Variants in GLT1D1 observed in about 807,000 individuals in gnomAD.
The protein encoded by GLT1D1 is glycosyltransferase 1 domain containing 1.
Under a neutral mutation model 28.7 loss-of-function variants are expected in GLT1D1, and 21 were observed. The ratio of observed to expected loss-of-function variants is 0.73; its 90% CI spans 0.52 to 1.05. GLT1D1 has a LOEUF of 1.05. GLT1D1 is among the 50% of genes least tolerant of loss of function. The pLI is 0.00. For synonymous variants in GLT1D1, 147 were observed against 124.8 expected (o/e 1.18, Z -1.19); for missense variants, 343 against 330.6 (o/e 1.04, Z -0.29).
At chr12:128,864,239 C>T (rs1382536035) in intron 1 of GLT1D1, 3 of 561,884 alleles carry the variant, frequency 5.3e-6, no homozygotes, top group Non-Finnish European at 9.7e-6. Context: ...GGCTTCCGGG[C>T]TGAAGATGAG....
chr12:128,916,528 CT>C (rs1872130082), intron 4 of GLT1D1, among the ~76,000 whole-genome samples: 1 of 152,166 alleles, frequency 6.6e-6, no homozygotes, highest in East Asian at 1.9e-4. Context: ...AGTAGACAGT[CT>C]TTTCAATTTT....
intron 4 of GLT1D1, among the ~76,000 whole-genome samples, chr12:128,911,070 C>T (rs141758516): frequency 1.3e-4 from 20 of 152,318 alleles, no homozygotes; most frequent in African/African-American, 4.6e-4. Context: ...GCTGGGATTA[C>T]AGGCGCATGC....
chr12:128,945,282 C>G (rs758273445), intron 4 of GLT1D1, 44 bp from the exon 9 acceptor site: 2 of 1,606,766 alleles, frequency 1.2e-6, no homozygotes, highest in East Asian at 2.2e-5. Flanking sequence ...GGCAGCGCCA[C>G]TAGCAGGCGG....
At chr12:128,870,828 TAA>T (rs111674069) in intron 1 of GLT1D1, among the ~76,000 whole-genome samples, 4,268 of 151,844 alleles carry the variant, frequency 0.028, 199 homozygotes, top group African/African-American at 0.096. Flanking sequence ...CCATCTCTAC[TAA>T]AAATACAAAA....
intron 1 of GLT1D1, among the ~76,000 whole-genome samples, chr12:128,866,160 C>A (rs1011281122): frequency 3.3e-5 from 5 of 150,802 alleles, no homozygotes; most frequent in African/African-American, 4.9e-5. Context: ...GCTCTGCCTG[C>A]CGGGTTCATG....
At chr12:128,945,169 A>G in intron 4 of GLT1D1, 157 bp from the exon 9 acceptor site, 3 of 788,332 alleles carry the variant, frequency 3.8e-6, no homozygotes, top group South Asian at 1.4e-5. Flanking sequence ...GGGGGCCCCC[A>G]TGATCACCAC....
Position 128,853,504 on chromosome 12 carries a change from G to C in GLT1D1, c.-78G>C. 1.0e-6 allele frequency: 1 copy of C among 991,690 alleles called. No individual in the cohort carries two copies. Among genetic ancestry groups the C allele is most frequent in the Non-Finnish European group, 1.2e-6 (1 of 831,738 alleles). 61.4% of individuals were successfully genotyped at this position (991,690 alleles called of 1,614,324 possible). A position where few individuals can be genotyped will look rare whatever the true frequency, so the allele number is the denominator to read the frequency against. On this transcript the variant is annotated 5_prime_UTR_variant, in exon 1 of 8. Transcript: ENST00000281703. ...CAGACCCAGCCGCCCCGGCTCCCCC[G>C]CCGTCCGCGTCTGCGCCGGCCCCGG...
chr12:128,876,467 T>C (rs1593067706), intron 2 of GLT1D1, among the ~76,000 whole-genome samples: 1 of 151,950 alleles, frequency 6.6e-6, no homozygotes, highest in South Asian at 2.1e-4. Context: ...TGCCACCATG[T>C]CCCCTAATTT....
At chr12:128,868,598 A>T (rs1407672060) in intron 1 of GLT1D1, among the ~76,000 whole-genome samples, 2 of 152,048 alleles carry the variant, frequency 1.3e-5, no homozygotes, top group African/African-American at 4.8e-5. Flanking sequence ...AATTGGGGAG[A>T]TTCTCACAGA....
intron 1 of GLT1D1, among the ~76,000 whole-genome samples, chr12:128,872,145 G>T (rs1245982009): frequency 6.6e-6 from 1 of 152,014 alleles, no homozygotes; most frequent in Non-Finnish European, 1.5e-5. Context: ...GTAGAGACAG[G>T]GTTTCACCAT....
intron 3 of GLT1D1, among the ~76,000 whole-genome samples, chr12:128,888,984 A>G (rs1435452879): frequency 1.3e-5 from 2 of 152,282 alleles, no homozygotes; most frequent in East Asian, 1.9e-4. Context: ...CCTCTTTAGA[A>G]TGGTCTGCAT....
At position 128,983,736 on chromosome 12, in the gene GLT1D1, G is replaced by C. The variant is rs1445579004; in HGVS notation, c.*646G>C. 7 of 152,316 alleles carry C rather than the reference G, an allele frequency of 4.6e-5. No homozygotes were observed. The highest frequency in any genetic ancestry group is 4.6e-4 in the Admixed American group (7 of 15,286). 9.4% of individuals were successfully genotyped at this position (152,316 alleles called of 1,614,324 possible). On this transcript the variant is annotated 3_prime_UTR_variant, in exon 8 of 8. Transcript: ENST00000281703. This position sits in a 1 kb window ranked among gnomAD's most constrained non-coding sequence, Gnocchi z 4.7. Reference sequence around the variant, plus strand: ...CCCCGCCCACCTCTTGGCTGAATTTGAGTGGAAAACCAGGAAGGAACAAGC... The same window carrying C: ...CCCCGCCCACCTCTTGGCTGAATTTCAGTGGAAAACCAGGAAGGAACAAGC...
intron 4 of GLT1D1, chr12:128,926,450 TTCAGGTG>T: frequency 6.7e-7 from 1 of 1,502,918 alleles, no homozygotes. Context: ...TGGACGCATT[TTCAGGTG>T]TGTTTGCTGG....
At chr12:128,928,874 G>A (rs1873567914) in intron 4 of GLT1D1, among the ~76,000 whole-genome samples, 2 of 152,008 alleles carry the variant, frequency 1.3e-5, no homozygotes, top group Non-Finnish European at 2.9e-5. Flanking sequence ...CACCTGCCTC[G>A]ACCTCACAAA....
At chr12:128,881,593 T>TATATAA (rs1232080188) in intron 2 of GLT1D1, among the ~76,000 whole-genome samples, 6 of 101,622 alleles carry the variant, frequency 5.9e-5, no homozygotes, top group Non-Finnish European at 1.9e-5. Flanking sequence ...TATATATATA[T>TATATAA]AAAATTTATA....
At chr12:128,942,993 C>G (rs376386091) in intron 4 of GLT1D1, among the ~76,000 whole-genome samples, 1 of 152,080 alleles carries the variant, frequency 6.6e-6, no homozygotes, top group South Asian at 2.1e-4. Flanking sequence ...ATGATCCACC[C>G]GCCTCGGCCT....
intron 1 of GLT1D1, among the ~76,000 whole-genome samples, chr12:128,857,396 T>C (rs1310312993): frequency 6.6e-6 from 1 of 152,230 alleles, no homozygotes; most frequent in African/African-American, 2.4e-5. Flanking sequence ...GAATAAAGGC[T>C]GCTATTCAGG....
chr12:128,949,019 G>A (rs1233191064), intron 6 of GLT1D1, among the ~76,000 whole-genome samples: 1 of 152,286 alleles, frequency 6.6e-6, no homozygotes, highest in East Asian at 1.9e-4. Flanking sequence ...CTTAGGGGTT[G>A]TCACTAGTAT....
At chr12:128,889,520 T>G (rs974438057) in intron 3 of GLT1D1, among the ~76,000 whole-genome samples, 1 of 152,152 alleles carries the variant, frequency 6.6e-6, no homozygotes, top group Non-Finnish European at 1.5e-5. Context: ...GTACCACAAC[T>G]ACCTTAGTAT....
Sources: gnomAD v4.1 joint callset for allele counts (sites outside exome capture counted in the v4.1 genomes callset) on GRCh38, gnomAD v4.1.1 for gene constraint, Gnocchi (gnomAD v3.1) non-coding constraint, MANE v1.5 for transcripts, NCBI Gene and HGNC (gene_info 2026-07-23, HGNC 2026-07-21) for gene names.